The following KDM1B variants were observed in gnomAD, a reference collection of about 807,000 sequenced individuals.
KDM1B encodes lysine demethylase 1B, also known as lysine-specific histone demethylase 2.
KDM1B carries 63 observed loss-of-function variants against 107.4 expected under a neutral mutation model. That is an observed-to-expected ratio of 0.59 (90% confidence interval 0.48 to 0.72). KDM1B has a LOEUF of 0.72. Ranked by LOEUF, KDM1B falls within the 30% of genes least tolerant of loss-of-function variation. The probability of loss-of-function intolerance (pLI) is 0.00; values close to 1 mark genes in which losing one functional copy is unlikely to be tolerated. For synonymous variants in KDM1B, 363 were observed against 363.9 expected (o/e 1.00, Z 0.03); for missense variants, 749 against 1,020.8 (o/e 0.73, Z 3.63).
At chr6:18,219,765 T>C (rs1482328339) in intron 21 of KDM1B, among the ~76,000 whole-genome samples, 2 of 152,222 alleles carry the variant, frequency 1.3e-5, no homozygotes. Flanking sequence ...AGCAAGCTTA[T>C]CAACCAGTGG....
At chr6:18,184,361 G>A (rs1433745674) in intron 7 of KDM1B, among the ~76,000 whole-genome samples, 2 of 139,916 alleles carry the variant, frequency 1.4e-5, no homozygotes, top group Non-Finnish European at 1.5e-5. Context: ...TCCAACTTCC[G>A]CCTTCCAGGT....
At position 18,200,483 on chromosome 6, in the gene KDM1B, G is replaced by C; in HGVS notation, c.1266G>C (p.Trp422Cys). 2 of 1,614,046 alleles carry C rather than the reference G, an allele frequency of 1.2e-6. No homozygotes were observed. Among genetic ancestry groups the C allele is most frequent in the Non-Finnish European group, 1.7e-6 (2 of 1,179,970 alleles). ...AAGACAGAATTGGAGGCCGAGTCTG[G>C]GATGATAAATCTTTTAAAGGCGTCA... ...EAKDRIGGRV[W>C]DDKSFKGVTV... Residue 422 changes from tryptophan to cysteine, a missense_variant, in exon 13 of 22, where the codon TGG (tryptophan) becomes TGC (cysteine). By Grantham distance (215) the Trp-to-Cys change is radical. Coordinates refer to ENST00000650836, the MANE Select transcript of KDM1B (RefSeq NM_001364614.2). This position sits in a 1 kb window ranked among gnomAD's most constrained non-coding sequence, Gnocchi z 4.3.
chr6:18,167,999 A>G (rs773518448), intron 6 of KDM1B, among the ~76,000 whole-genome samples: 4 of 152,130 alleles, frequency 2.6e-5, no homozygotes, highest in Non-Finnish European at 5.9e-5. Flanking sequence ...GACTCAAGCA[A>G]TCCTCCCACT....
At chr6:18,218,895 T>G (rs1389622038) in intron 21 of KDM1B, among the ~76,000 whole-genome samples, 2 of 151,932 alleles carry the variant, frequency 1.3e-5, no homozygotes, top group Non-Finnish European at 2.9e-5. Context: ...TTTAATTATT[T>G]TATTTTAAAT....
At chr6:18,157,212 G>A (rs1383231120) in intron 2 of KDM1B, among the ~76,000 whole-genome samples, 1 of 152,098 alleles carries the variant, frequency 6.6e-6, no homozygotes, top group Non-Finnish European at 1.5e-5. Context: ...TAAGACCTAA[G>A]GACCCAGCAA....
At chr6:18,158,035 G>A (rs555176200) in intron 2 of KDM1B, among the ~76,000 whole-genome samples, 1 of 151,914 alleles carries the variant, frequency 6.6e-6, no homozygotes, top group South Asian at 2.1e-4. Context: ...GGATGGTCTC[G>A]ATCTCCTGAT....
intron 5 of KDM1B, among the ~76,000 whole-genome samples, chr6:18,164,569 G>T (rs1266911692): frequency 6.6e-6 from 1 of 151,922 alleles, no homozygotes; most frequent in East Asian, 1.9e-4. Context: ...ACATAAATAT[G>T]GCTGCCTCAG....
intron 7 of KDM1B, among the ~76,000 whole-genome samples, chr6:18,173,045 A>T (rs1293742747): frequency 6.6e-6 from 1 of 151,116 alleles, no homozygotes; most frequent in Non-Finnish European, 1.5e-5. Flanking sequence ...AGCTGAGATC[A>T]TGCCATTGCA....
At chr6:18,188,073 A>G (rs1020658190) in intron 9 of KDM1B, 71 bp downstream of exon 9, 2 of 1,344,808 alleles carry the variant, frequency 1.5e-6, no homozygotes, top group Non-Finnish European at 2.1e-6. Context: ...GTGAGTGAGC[A>G]AAACGCAAAG....
chr6:18,199,716 T>A lies in KDM1B; in HGVS notation c.1222-723T>A, dbSNP rs1025247048. On this transcript the variant is annotated intron_variant, in intron 12 of 21. Coordinates refer to ENST00000650836, the MANE Select transcript of KDM1B (RefSeq NM_001364614.2). The stretch of plus-strand genomic sequence containing the variant: ...GTGGCATACTTTTTTTTTTTTTTTT[T>A]AAATAATATATCTTAGGGAAGTTAA... Among the ~76,000 whole-genome samples, 34 of 147,026 alleles carry A rather than the reference T, an allele frequency of 2.3e-4. No homozygotes were observed. The South Asian group carries it at 2.4e-3, about 10-fold the overall frequency.
intron 14 of KDM1B, among the ~76,000 whole-genome samples, chr6:18,202,168 G>A (rs1788075661): frequency 6.6e-6 from 1 of 151,896 alleles, no homozygotes; most frequent in African/African-American, 2.4e-5. Context: ...GGGAGGTCAA[G>A]CGGGGAAGAT....
chr6:18,166,330 C>A lies in KDM1B; in HGVS notation c.369C>A (p.Thr123=), dbSNP rs377100984. 2 of 1,613,354 alleles carry A rather than the reference C, an allele frequency of 1.2e-6. No homozygotes were observed. The highest frequency in any genetic ancestry group is 3.3e-5 in the Admixed American group (2 of 59,996). Residue 123 remains threonine (T), a synonymous_variant, in exon 6 of 22, where the codon ACC becomes ACA. Coordinates refer to ENST00000650836, the MANE Select transcript of KDM1B (RefSeq NM_001364614.2). ...WKKIWTSNGK[T]EPSPKAFMAD... ...AAATATGGACTAGCAATGGCAAAAC[C>A]GAACCTAGTCCCAAAGCTTTCATGG...
chr6:18,198,655 A>C (rs1787823790), intron 12 of KDM1B, among the ~76,000 whole-genome samples: 1 of 147,638 alleles, frequency 6.8e-6, no homozygotes, highest in African/African-American at 2.4e-5. Flanking sequence ...AAAAAAAAAA[A>C]AACAAAACGC....
intron 16 of KDM1B, 115 bp from the exon 17 acceptor site, chr6:18,208,017 G>A: frequency 1.3e-6 from 1 of 781,750 alleles, no homozygotes; most frequent in Non-Finnish European, 2.2e-6. Context: ...CTGAATGCCA[G>A]GAAAAGATTC....
Position 18,164,702 on chromosome 6 carries a change from G to A in KDM1B, c.306-1565G>A, listed in dbSNP as rs1785180871. On this transcript the variant is annotated intron_variant, in intron 5 of 21. Transcript: ENST00000650836. ...AGACAGGGTCTTGCTCTGGAGTGCA[G>A]TGGCGTGATCTTGGCTCACTGCAAC... 4.6e-5 allele frequency among the ~76,000 whole-genome samples: 7 copies of A among 152,138 alleles called. No individual in the cohort carries two copies. The South Asian group carries it at 1.5e-3, about 32-fold the overall frequency.
At position 18,213,893 on chromosome 6, in the gene KDM1B, G is replaced by C; in HGVS notation, c.2109+112G>C. ...ACTAACGAACATCATGGAGACCCTG[G>C]GTCTATGTTTATATTCTGGGAGGAC... is the stretch of plus-strand genomic sequence containing the variant. On this transcript the variant is annotated intron_variant, in intron 19 of 21. Transcript: ENST00000650836. The surrounding 1 kb of genome is among the most constrained non-coding windows in gnomAD (Gnocchi z 5.9). 2 of 1,196,810 alleles carry C rather than the reference G, an allele frequency of 1.7e-6. No homozygotes were observed. Among genetic ancestry groups the C allele is most frequent in the Non-Finnish European group, 2.4e-6 (2 of 828,780 alleles). 74.1% of individuals were successfully genotyped at this position (1,196,810 alleles called of 1,614,324 possible). A position where few individuals can be genotyped will look rare whatever the true frequency, so the allele number is the denominator to read the frequency against.
chr6:18,197,337 T>C lies in KDM1B; in HGVS notation c.1146+104T>C. The C allele has an allele frequency of 1.8e-6, 2 of 1,103,544 alleles. No individual in the cohort carries two copies. The highest frequency in any genetic ancestry group is 2.6e-6 in the Non-Finnish European group (2 of 778,180). The allele number at this position is 1,103,544 out of a possible 1,614,324, so 68.4% of individuals were successfully genotyped here. ...AAAAGCCACATTATCACCATAAAAC[T>C]TAACAGAAGCAAGGCTTTCGCAGAA... On this transcript the variant is annotated intron_variant, in intron 11 of 21. Coordinates refer to ENST00000650836, the MANE Select transcript of KDM1B (RefSeq NM_001364614.2). This position sits in a 1 kb window ranked among gnomAD's most constrained non-coding sequence, Gnocchi z 4.5.
Position 18,211,297 on chromosome 6 carries a change from C to T in KDM1B, c.1867-1191C>T, listed in dbSNP as rs776337081. 6.6e-6 allele frequency among the ~76,000 whole-genome samples: 1 copy of T among 152,160 alleles called. No homozygotes were observed. Among genetic ancestry groups the T allele is most frequent in the Non-Finnish European group, 1.5e-5 (1 of 68,042 alleles). The stretch of plus-strand genomic sequence containing the variant: ...GGTAGATTGGGTGCTTGGTCTTCAA[C>T]TCCATTCCACTCTGATCCTAGGGTG... On this transcript the variant is annotated intron_variant, in intron 17 of 21. Transcript: ENST00000650836. This position sits in a 1 kb window ranked among gnomAD's most constrained non-coding sequence, Gnocchi z 5.2.
Position 18,212,430 on chromosome 6 carries a change from A to G in KDM1B, c.1867-58A>G. 1 of 965,686 alleles carries G rather than the reference A, an allele frequency of 1.0e-6. No homozygotes were observed. The allele number at this position is 965,686 out of a possible 1,614,324, so 59.8% of individuals were successfully genotyped here. A position where few individuals can be genotyped will look rare whatever the true frequency, so the allele number is the denominator to read the frequency against. ...CAGCATGGGTTGTTGATACCAGTGT[A>G]GTGGTAGTGTGAGGTTCTGTTGCTG... is the stretch of plus-strand genomic sequence containing the variant. On this transcript the variant is annotated intron_variant, in intron 17 of 21. Transcript: ENST00000650836. This position sits in a 1 kb window ranked among gnomAD's most constrained non-coding sequence, Gnocchi z 5.2.
Sources: gnomAD v4.1 joint callset for allele counts (sites outside exome capture counted in the v4.1 genomes callset) on GRCh38, gnomAD v4.1.1 for gene constraint, Gnocchi (gnomAD v3.1) non-coding constraint, MANE v1.5 for transcripts, NCBI Gene and HGNC (gene_info 2026-07-23, HGNC 2026-07-21) for gene names.